Variants in PARD3 observed in about 807,000 individuals in gnomAD.
PARD3 encodes the protein par-3 family cell polarity regulator.
In PARD3, 75 loss-of-function variants were observed where a neutral mutation model predicts 155.4. The observed-to-expected ratio is 0.48, with a 90% CI of 0.40 to 0.58. PARD3 has a LOEUF of 0.58. Among genes scored for constraint, PARD3 ranks in the 20% least tolerant of loss-of-function variants. The probability of loss-of-function intolerance (pLI) is 0.00; values close to 1 mark genes in which losing one functional copy is unlikely to be tolerated. For missense variants in PARD3, 1,642 were observed against 1,721.7 expected (o/e 0.95, Z 0.82); for synonymous variants, 576 against 610.5 (o/e 0.94, Z 0.83).
chr10:34,516,927 G>C, intron 3 of PARD3, 52 bp downstream of exon 3: 1 of 1,503,722 alleles, frequency 6.7e-7, no homozygotes, highest in South Asian at 1.2e-5. Context: ...ACAAAAGTTG[G>C]TATTCCTGTA....
intron 14 of PARD3, among the ~76,000 whole-genome samples, chr10:34,354,476 G>A (rs878864987): frequency 6.6e-6 from 1 of 152,134 alleles, no homozygotes; most frequent in East Asian, 1.9e-4. Flanking sequence ...GGATACACAG[G>A]AAAGTGGTAG....
chr10:34,566,816 T>A (rs895086762), intron 2 of PARD3, among the ~76,000 whole-genome samples: 6 of 152,186 alleles, frequency 3.9e-5, no homozygotes, highest in African/African-American at 1.4e-4. Flanking sequence ...CACAAGACAC[T>A]GATGTGACTG....
intron 2 of PARD3, among the ~76,000 whole-genome samples, chr10:34,587,655 T>C (rs1227709270): frequency 1.3e-5 from 2 of 152,072 alleles, no homozygotes; most frequent in Non-Finnish European, 1.5e-5. Flanking sequence ...TTCTGTGTTT[T>C]AGACACCAAG....
At chr10:34,610,715 T>A (rs1425166661) in intron 2 of PARD3, among the ~76,000 whole-genome samples, 2 of 152,218 alleles carry the variant, frequency 1.3e-5, no homozygotes, top group Non-Finnish European at 2.9e-5. Context: ...CAGTTTATAA[T>A]CTTTATTGTT....
chr10:34,331,197 C>T lies in PARD3; in HGVS notation c.2753G>A (p.Cys918Tyr). Reference protein sequence around the residue: ...PRPRIIRGRGCNESFRAAIDK... With the variant: ...PRPRIIRGRGYNESFRAAIDK... Reference sequence around the variant, plus strand: ...GATGGCAGCTCTGAAGCTCTCATTGCATCCCCTGCCTCTGATTATCCGCGG... The same window carrying T: ...GATGGCAGCTCTGAAGCTCTCATTGTATCCCCTGCCTCTGATTATCCGCGG... The change falls in exon 19 of 25, where the codon TGC becomes TAC. Residue 918 changes from cysteine (C) to tyrosine (Y), a missense_variant. Coordinates refer to ENST00000374788, the MANE Select transcript of PARD3 (RefSeq NM_001184785.2). 1 of 1,614,048 alleles carries T rather than the reference C, an allele frequency of 6.2e-7. No homozygotes were observed. Among genetic ancestry groups the T allele is most frequent in the East Asian group, 2.2e-5 (1 of 44,884 alleles).
intron 1 of PARD3, among the ~76,000 whole-genome samples, chr10:34,704,886 T>C (rs978724788): frequency 4.6e-5 from 7 of 152,226 alleles, no homozygotes; most frequent in African/African-American, 1.7e-4. Flanking sequence ...GTTAGTGATA[T>C]AACAAATAGA....
intron 22 of PARD3, among the ~76,000 whole-genome samples, chr10:34,267,010 G>C (rs1399117846): frequency 1.3e-5 from 2 of 152,158 alleles, no homozygotes; most frequent in Admixed American, 1.3e-4. Flanking sequence ...CTTCTGAGCT[G>C]TGTGAAAAAC....
chr10:34,623,364 C>T (rs983522509), intron 2 of PARD3, among the ~76,000 whole-genome samples: 2 of 152,192 alleles, frequency 1.3e-5, no homozygotes, highest in African/African-American at 2.4e-5. Flanking sequence ...GGTACTACTA[C>T]ACCAAAATGG....
At chr10:34,753,590 T>TA (rs1836329441) in intron 1 of PARD3, among the ~76,000 whole-genome samples, 1 of 152,198 alleles carries the variant, frequency 6.6e-6, no homozygotes, top group East Asian at 1.9e-4. Flanking sequence ...CCCAGTGGGA[T>TA]AAAAATAAAT....
At chr10:34,316,016 G>A (rs146192793) in intron 20 of PARD3, among the ~76,000 whole-genome samples, 2 of 152,220 alleles carry the variant, frequency 1.3e-5, no homozygotes, top group African/African-American at 2.4e-5. Context: ...CGACTTTCCA[G>A]GTCTGACTTA....
chr10:34,405,359 G>A lies in PARD3; in HGVS notation c.715-3442C>T, dbSNP rs181476153. ...ACATGTATTCATCTATTCATACACTGTGCCTTGCAAAACAATTTAATATGA... is the reference window on the plus strand; with the variant it reads ...ACATGTATTCATCTATTCATACACTATGCCTTGCAAAACAATTTAATATGA... On this transcript the variant is annotated intron_variant, in intron 5 of 24. Transcript: ENST00000374788. Among the ~76,000 whole-genome samples the A allele has an allele frequency of 1.7e-3, 264 of 152,184 alleles. 2 individuals carry two copies. Among genetic ancestry groups the A allele is most frequent in the Non-Finnish European group, 3.1e-3 (211 of 68,026 alleles).
At chr10:34,254,209 A>C (rs545473878) in intron 22 of PARD3, among the ~76,000 whole-genome samples, 1 of 151,998 alleles carries the variant, frequency 6.6e-6, no homozygotes, top group Non-Finnish European at 1.5e-5. Context: ...GCGAAACCCT[A>C]TCTCTACTAA....
At chr10:34,323,828 C>T (rs978296226) in intron 19 of PARD3, among the ~76,000 whole-genome samples, 8 of 152,190 alleles carry the variant, frequency 5.3e-5, no homozygotes, top group Non-Finnish European at 7.3e-5. Flanking sequence ...TCTGAACCTT[C>T]GCAAATTCGC....
rs919315996 is a variant in PARD3 at position 34,637,774 on chromosome 10, G to A, written c.222+58544C>T. On this transcript the variant is annotated intron_variant, in intron 2 of 24. Transcript: ENST00000374788. ...GGAAAGCACCTGTCATCAGTGAGTT[G>A]AAGGAGCAAGAGAAACAAAAACAGA... Among the ~76,000 whole-genome samples the A allele has an allele frequency of 3.9e-5, 6 of 152,200 alleles. No homozygotes were observed. In the South Asian group the frequency reaches 1.0e-3, roughly 26 times the overall value.
At chr10:34,549,574 C>A (rs548807137) in intron 2 of PARD3, among the ~76,000 whole-genome samples, 27 of 152,290 alleles carry the variant, frequency 1.8e-4, no homozygotes, top group African/African-American at 6.5e-4. Flanking sequence ...AGCCCCACCC[C>A]ATCCATGCAG....
chr10:34,704,733 T>A (rs993388052), intron 1 of PARD3, among the ~76,000 whole-genome samples: 11 of 152,312 alleles, frequency 7.2e-5, no homozygotes, highest in African/African-American at 2.6e-4. Context: ...TGTGCACATG[T>A]CACATTGAGA....
chr10:34,790,496 T>A (rs969567659), intron 1 of PARD3, among the ~76,000 whole-genome samples: 3 of 152,118 alleles, frequency 2.0e-5, no homozygotes, highest in Non-Finnish European at 4.4e-5. Context: ...AATCCTCCTA[T>A]CCTTAGGATG....
intron 22 of PARD3, among the ~76,000 whole-genome samples, chr10:34,228,330 G>A (rs1388285472): frequency 6.6e-6 from 1 of 151,930 alleles, no homozygotes; most frequent in Non-Finnish European, 1.5e-5. Context: ...AAAGTAATGT[G>A]TACACCAAGC....
intron 4 of PARD3, among the ~76,000 whole-genome samples, chr10:34,468,783 C>A (rs1053933079): frequency 6.6e-6 from 1 of 151,940 alleles, no homozygotes; most frequent in African/African-American, 2.4e-5. Context: ...ACTAGAATTA[C>A]TACAGAGAGG....
Sources: allele counts gnomAD v4.1 joint callset (sites outside exome capture counted in the v4.1 genomes callset), GRCh38; gene constraint gnomAD v4.1.1; transcripts MANE v1.5; gene names NCBI Gene and HGNC (gene_info 2026-07-23, HGNC 2026-07-21).